The following DLG2 variants were observed in gnomAD, a reference collection of about 807,000 sequenced individuals.
The protein encoded by DLG2 is discs large MAGUK scaffold protein 2, also known as disks large homolog 2.
DLG2 carries 45 observed loss-of-function variants against 132.5 expected under a neutral mutation model. That is an observed-to-expected ratio of 0.34 (90% CI 0.27 to 0.44). The LOEUF is 0.44. Ranked by LOEUF, DLG2 falls within the 20% of genes least tolerant of loss-of-function variation. DLG2 has a pLI of 1.00. For synonymous variants in DLG2, 424 were observed against 419.6 expected, an observed-to-expected ratio of 1.01 and a Z score of -0.13; for missense variants, 1,045 against 1,196.9, an observed-to-expected ratio of 0.87 and a Z score of 1.87.
chr11:84,380,841 A>G (rs1214120091), intron 7 of DLG2, among the ~76,000 whole-genome samples: 1 of 152,022 alleles, frequency 6.6e-6, no homozygotes, highest in Non-Finnish European at 1.5e-5. Context: ...AAAGAAGAGT[A>G]CCAGGAACAT....
At chr11:85,001,384 A>C (rs1478718476) in intron 6 of DLG2, among the ~76,000 whole-genome samples, 1 of 152,174 alleles carries the variant, frequency 6.6e-6, no homozygotes, top group African/African-American at 2.4e-5. Flanking sequence ...TATCTTAGAG[A>C]GGTAACCCAG....
At chr11:84,579,833 A>G (rs1377694940) in intron 6 of DLG2, among the ~76,000 whole-genome samples, 5 of 152,208 alleles carry the variant, frequency 3.3e-5, no homozygotes, top group Admixed American at 3.3e-4. Context: ...AAGCAATGTT[A>G]ATGCAGAGAG....
chr11:85,199,663 G>C (rs1359101724), intron 4 of DLG2, among the ~76,000 whole-genome samples: 1 of 152,066 alleles, frequency 6.6e-6, no homozygotes, highest in Non-Finnish European at 1.5e-5. Context: ...CCTCTCTTTG[G>C]AAAGTACCAT....
intron 18 of DLG2, among the ~76,000 whole-genome samples, chr11:83,740,576 T>A (rs1261743590): frequency 6.6e-6 from 1 of 152,194 alleles, no homozygotes; most frequent in Non-Finnish European, 1.5e-5. Context: ...CACGTAGGTA[T>A]CTTCACTATG....
At chr11:85,593,831 C>T (rs77826965) in intron 3 of DLG2, among the ~76,000 whole-genome samples, 17,914 of 151,942 alleles carry the variant, frequency 0.12, 1,308 homozygotes, top group East Asian at 0.29. Context: ...AACTCTTATA[C>T]ATATTTATTT....
intron 6 of DLG2, among the ~76,000 whole-genome samples, chr11:84,722,905 C>A (rs530510298): frequency 6.6e-6 from 1 of 152,136 alleles, no homozygotes; most frequent in Non-Finnish European, 1.5e-5. Context: ...CTCAGGAGGT[C>A]TAATCTATAC....
chr11:84,349,577 C>T (rs2098553566), intron 7 of DLG2, among the ~76,000 whole-genome samples: 1 of 152,140 alleles, frequency 6.6e-6, no homozygotes. Flanking sequence ...CTATGCTTTG[C>T]ACGGTCATGT....
At chr11:85,047,375 C>T (rs2062444507) in intron 6 of DLG2, among the ~76,000 whole-genome samples, 1 of 151,886 alleles carries the variant, frequency 6.6e-6, no homozygotes, top group South Asian at 2.1e-4. Flanking sequence ...AAGACAAGAA[C>T]ATTTCAATTT....
intron 3 of DLG2, among the ~76,000 whole-genome samples, chr11:85,575,647 T>A (rs2078113523): frequency 6.6e-6 from 1 of 152,176 alleles, no homozygotes; most frequent in Admixed American, 6.5e-5. Context: ...GCATTTGCAT[T>A]TGCTTTCTCC....
intron 5 of DLG2, among the ~76,000 whole-genome samples, chr11:85,150,221 C>G (rs1235693962): frequency 6.6e-6 from 1 of 151,704 alleles, no homozygotes; most frequent in Non-Finnish European, 1.5e-5. Flanking sequence ...AGGGTTTCAC[C>G]GTGTTAGCCA....
At chr11:84,306,881 T>C (rs1034952834) in intron 7 of DLG2, among the ~76,000 whole-genome samples, 1 of 152,222 alleles carries the variant, frequency 6.6e-6, no homozygotes, top group African/African-American at 2.4e-5. Flanking sequence ...GGAATGTTTA[T>C]ACACTTCAGT....
At chr11:85,474,677 T>A (rs1047742422) in intron 3 of DLG2, among the ~76,000 whole-genome samples, 2 of 151,924 alleles carry the variant, frequency 1.3e-5, no homozygotes, top group Non-Finnish European at 2.9e-5. Flanking sequence ...TCTCTATCTA[T>A]GCAGTCAAAT....
At chr11:83,679,031 C>T (rs2078268658) in intron 18 of DLG2, among the ~76,000 whole-genome samples, 1 of 151,992 alleles carries the variant, frequency 6.6e-6, no homozygotes, top group South Asian at 2.1e-4. Flanking sequence ...GGCCAAGATC[C>T]CAAAATGGAA....
At chr11:85,092,376 A>G (rs1308430717) in intron 6 of DLG2, among the ~76,000 whole-genome samples, 1 of 152,144 alleles carries the variant, frequency 6.6e-6, no homozygotes, top group Non-Finnish European at 1.5e-5. Context: ...GATAACCACA[A>G]TCCTAACAAA....
intron 20 of DLG2, among the ~76,000 whole-genome samples, chr11:83,537,736 A>G (rs76570959): frequency 7.1e-6 from 1 of 140,062 alleles, no homozygotes; most frequent in Non-Finnish European, 1.5e-5. Context: ...GATAGCTTGA[A>G]CCCGGGAGGT....
chr11:85,356,554 A>G (rs2083706967), intron 3 of DLG2, among the ~76,000 whole-genome samples: 1 of 152,192 alleles, frequency 6.6e-6, no homozygotes, highest in Non-Finnish European at 1.5e-5. Context: ...AGAGAACCAC[A>G]AACTGTGTTC....
intron 6 of DLG2, among the ~76,000 whole-genome samples, chr11:84,975,977 C>A (rs1216795252): frequency 6.6e-6 from 1 of 152,148 alleles, no homozygotes; most frequent in Non-Finnish European, 1.5e-5. Context: ...ACTTTCTTGG[C>A]ACCTTGCAAA....
intron 6 of DLG2, among the ~76,000 whole-genome samples, chr11:84,552,914 G>A (rs2154524501): frequency 6.6e-6 from 1 of 152,232 alleles, no homozygotes; most frequent in South Asian, 2.1e-4. Context: ...GCACTTTGAT[G>A]TGAAATTCAC....
chr11:84,587,023 G>C (rs1430964610), intron 6 of DLG2, among the ~76,000 whole-genome samples: 1 of 152,102 alleles, frequency 6.6e-6, no homozygotes, highest in Admixed American at 6.6e-5. Flanking sequence ...TTCTTAAAGG[G>C]AACTTTAACC....
Sources: gnomAD v4.1 joint callset for allele counts (sites outside exome capture counted in the v4.1 genomes callset) on GRCh38, gnomAD v4.1.1 for gene constraint, MANE v1.5 for transcripts, NCBI Gene and HGNC (gene_info 2026-07-23, HGNC 2026-07-21) for gene names.